The following PHACTR1 variants were observed in gnomAD, a reference collection of about 807,000 sequenced individuals.
The protein encoded by PHACTR1 is phosphatase and actin regulator 1.
A neutral mutation model predicts 69.2 loss-of-function variants in PHACTR1; 16 were observed. That is an observed-to-expected ratio of 0.23 (90% CI 0.16 to 0.35). PHACTR1 has a LOEUF of 0.35. Ranked by LOEUF, PHACTR1 falls within the 10% of genes least tolerant of loss-of-function variation. PHACTR1 has a pLI of 1.00. For synonymous variants in PHACTR1, 312 were observed against 284.5 expected (o/e 1.10, Z -0.97); for missense variants, 510 against 734.7 (o/e 0.69, Z 3.54).
chr6:13,066,757 T>G (rs1177773851), intron 5 of PHACTR1, among the ~76,000 whole-genome samples: 1 of 152,138 alleles, frequency 6.6e-6, no homozygotes, highest in Admixed American at 6.5e-5. Context: ...GCTGGGCCCC[T>G]TTCCCTGTTT....
chr6:13,253,547 C>T (rs1430029601), intron 10 of PHACTR1, among the ~76,000 whole-genome samples: 3 of 152,214 alleles, frequency 2.0e-5, no homozygotes, highest in African/African-American at 7.2e-5. Flanking sequence ...CCTTGCCCCA[C>T]AGTTCTGTAA....
At chr6:12,867,464 A>G (rs1412744) in intron 4 of PHACTR1, among the ~76,000 whole-genome samples, 39,903 of 152,174 alleles carry the variant, frequency 0.26, 5,790 homozygotes, top group Middle Eastern at 0.38. Context: ...ATTAGTAACC[A>G]TAATGAATTC....
At chr6:13,017,254 G>A (rs991199706) in intron 4 of PHACTR1, among the ~76,000 whole-genome samples, 2 of 148,780 alleles carry the variant, frequency 1.3e-5, no homozygotes, top group Non-Finnish European at 3.0e-5. Context: ...CTACCATCAA[G>A]TTGATTTTTT....
At chr6:13,265,291 C>T (rs1236254149) in intron 10 of PHACTR1, among the ~76,000 whole-genome samples, 3 of 152,136 alleles carry the variant, frequency 2.0e-5, no homozygotes, top group Non-Finnish European at 2.9e-5. Context: ...TCTAACCTTA[C>T]AGCAGCTCTC....
chr6:13,064,158 A>G (rs2127757974), intron 5 of PHACTR1, among the ~76,000 whole-genome samples: 1 of 152,282 alleles, frequency 6.6e-6, no homozygotes, highest in East Asian at 1.9e-4. Flanking sequence ...AAGACTGGTT[A>G]GCAGGTGGTT....
At chr6:13,022,313 T>A (rs959501018) in intron 4 of PHACTR1, among the ~76,000 whole-genome samples, 4 of 152,240 alleles carry the variant, frequency 2.6e-5, no homozygotes, top group Non-Finnish European at 5.9e-5. Flanking sequence ...TTCTTCCACC[T>A]GTAAAATGAA....
intron 4 of PHACTR1, among the ~76,000 whole-genome samples, chr6:12,870,718 T>C (rs1325567118): frequency 6.6e-6 from 1 of 152,196 alleles, no homozygotes; most frequent in Non-Finnish European, 1.5e-5. Flanking sequence ...TCTGGGTACA[T>C]CAAAACTTCC....
chr6:12,782,053 C>T (rs995725245), intron 4 of PHACTR1, among the ~76,000 whole-genome samples: 12 of 152,180 alleles, frequency 7.9e-5, no homozygotes, highest in Non-Finnish European at 1.5e-4. Flanking sequence ...TGTGCTCCCT[C>T]TTGCTCTGTC....
chr6:13,270,394 C>A (rs547329009), intron 10 of PHACTR1, among the ~76,000 whole-genome samples: 3 of 152,294 alleles, frequency 2.0e-5, no homozygotes, highest in South Asian at 2.1e-4. Flanking sequence ...TCCAGCCCCC[C>A]ACCCTCCTGC....
intron 7 of PHACTR1, among the ~76,000 whole-genome samples, chr6:13,192,225 T>C (rs1763699119): frequency 6.6e-6 from 1 of 152,190 alleles, no homozygotes; most frequent in African/African-American, 2.4e-5. Context: ...AATTCAAGTA[T>C]AACAAGTCAA....
chr6:13,015,900 G>A (rs1473516832), intron 4 of PHACTR1, among the ~76,000 whole-genome samples: 2 of 152,230 alleles, frequency 1.3e-5, no homozygotes, highest in Non-Finnish European at 2.9e-5. Context: ...AAATAGGGGA[G>A]ACCGAATGTT....
intron 4 of PHACTR1, among the ~76,000 whole-genome samples, chr6:12,930,383 A>T (rs925204939): frequency 6.6e-6 from 1 of 152,148 alleles, no homozygotes; most frequent in Admixed American, 6.5e-5. Flanking sequence ...CTCTTTGGGG[A>T]TACATGGAAA....
At chr6:13,032,714 T>G (rs1002749627) in intron 4 of PHACTR1, among the ~76,000 whole-genome samples, 1 of 152,044 alleles carries the variant, frequency 6.6e-6, no homozygotes, top group African/African-American at 2.4e-5. Flanking sequence ...ACTCTGAGCT[T>G]AGGTGATCCT....
At position 13,195,321 on chromosome 6, in the gene PHACTR1, A is replaced by G. The variant is rs138453373; in HGVS notation, c.665-10494A>G. Reference sequence around the variant, plus strand: ...TAATTAAAGGAGATAAGTAATTCCAACTCACTGCAACTAGTTGGCAAATGA... The same window carrying G: ...TAATTAAAGGAGATAAGTAATTCCAGCTCACTGCAACTAGTTGGCAAATGA... On this transcript the variant is annotated intron_variant, in intron 7 of 14. Transcript: ENST00000332995. 3.8e-3 allele frequency among the ~76,000 whole-genome samples: 584 copies of G among 152,258 alleles called. 3 individuals carry two copies. The highest frequency in any genetic ancestry group is 3.6e-3 in the Non-Finnish European group (244 of 68,014).
At chr6:12,816,871 C>T (rs921559124) in intron 4 of PHACTR1, among the ~76,000 whole-genome samples, 24 of 152,052 alleles carry the variant, frequency 1.6e-4, no homozygotes, top group Non-Finnish European at 2.5e-4. Flanking sequence ...TATGGCTTGT[C>T]TTTGCTGTGA....
intron 5 of PHACTR1, among the ~76,000 whole-genome samples, chr6:13,076,027 CTTTT>C: frequency 9.9e-6 from 1 of 101,412 alleles, no homozygotes; most frequent in African/African-American, 2.8e-5. Flanking sequence ...AAGGGAGCAT[CTTTT>C]TTTTTTTTTT....
chr6:13,283,452 C>T lies in PHACTR1; in HGVS notation c.1540C>T (p.Arg514Trp), dbSNP rs781724949. 7.4e-6 allele frequency: 12 copies of T among 1,613,790 alleles called. No individual in the cohort carries two copies. The highest frequency in any genetic ancestry group is 9.3e-6 in the Non-Finnish European group (11 of 1,179,822). Residue 514 changes from arginine (R) to tryptophan (W), a missense_variant, in exon 13 of 15, where the codon CGG becomes TGG. This residue lies in a region of PHACTR1 where 91 missense variants were observed against 203.8 expected (regional missense o/e 0.45). Transcript: ENST00000332995. This position sits in a 1 kb window ranked among gnomAD's most constrained non-coding sequence, Gnocchi z 4.7. ...LSQRPTVEEL[R>W]ERKILIRFSD... ...TCAAAGGCCCACGGTGGAAGAGCTT[C>T]GGGAAAGAAAGATCCTCATCCGCTT...
intron 4 of PHACTR1, among the ~76,000 whole-genome samples, chr6:12,808,842 C>G (rs1774677805): frequency 6.6e-6 from 1 of 151,402 alleles, no homozygotes; most frequent in South Asian, 2.1e-4. Flanking sequence ...CCCCCTCCTC[C>G]TCCTCCTCCT....
chr6:12,892,324 G>A (rs940017353), intron 4 of PHACTR1, among the ~76,000 whole-genome samples: 3 of 152,228 alleles, frequency 2.0e-5, no homozygotes, highest in African/African-American at 7.2e-5. Context: ...TGCATTTAGT[G>A]AGGGAGGGTT....
Sources: allele counts gnomAD v4.1 joint callset (sites outside exome capture counted in the v4.1 genomes callset), GRCh38; gene constraint gnomAD v4.1.1; regional missense constraint gnomAD v4.1.1; non-coding constraint Gnocchi (gnomAD v3.1); transcripts MANE v1.5; gene names NCBI Gene and HGNC (gene_info 2026-07-23, HGNC 2026-07-21).